The following MRPS28 variants were observed in gnomAD, a reference collection of about 807,000 sequenced individuals.
The protein encoded by MRPS28 is mitochondrial ribosomal protein S28.
MRPS28 carries 7 observed loss-of-function variants against 10.8 expected under a neutral mutation model. The ratio of observed to expected loss-of-function variants is 0.65; its 90% CI spans 0.37 to 1.22. The LOEUF is 1.22. Among genes scored for constraint, MRPS28 ranks in the 50% most tolerant of loss-of-function variants. The pLI, the probability that MRPS28 is intolerant of heterozygous loss-of-function variation, is 0.02. For missense variants in MRPS28, 265 were observed against 232.9 expected, an observed-to-expected ratio of 1.14 and a Z score of -0.90; for synonymous variants, 121 against 93.3, an observed-to-expected ratio of 1.30 and a Z score of -1.71.
chr8:79,923,384 A>G (rs1810144197), intron 2 of MRPS28, among the ~76,000 whole-genome samples: 1 of 152,312 alleles, frequency 6.6e-6, no homozygotes, highest in East Asian at 1.9e-4. Flanking sequence ...ATCACTCCAT[A>G]GAGTCTTATA....
intron 1 of MRPS28, among the ~76,000 whole-genome samples, chr8:80,005,551 C>T (rs374178550): frequency 3.3e-5 from 5 of 152,178 alleles, no homozygotes; most frequent in South Asian, 2.1e-4. Flanking sequence ...TGTGGACCAT[C>T]GATGCTAGGA....
chr8:80,001,475 A>G (rs1808659200), intron 2 of MRPS28, among the ~76,000 whole-genome samples: 1 of 152,248 alleles, frequency 6.6e-6, no homozygotes, highest in Non-Finnish European at 1.5e-5. Context: ...TTTAATAATA[A>G]CAATGCAATG....
chr8:79,987,991 T>TA (rs1451294377), intron 2 of MRPS28, among the ~76,000 whole-genome samples: 1 of 152,162 alleles, frequency 6.6e-6, no homozygotes, highest in Non-Finnish European at 1.5e-5. Context: ...ACTGCGGCTC[T>TA]ATTCACAATA....
At chr8:79,988,179 AC>A (rs1479934943) in intron 2 of MRPS28, among the ~76,000 whole-genome samples, 6 of 149,734 alleles carry the variant, frequency 4.0e-5, no homozygotes, top group African/African-American at 1.5e-4. Flanking sequence ...AGAACAAAAA[AC>A]CAAACACCGC....
Position 80,029,968 on chromosome 8 carries a change from T to C in MRPS28, c.213+68A>G, listed in dbSNP as rs1809609889. The C allele has an allele frequency of 1.2e-5, 19 of 1,564,918 alleles. No individual in the cohort carries two copies. In the South Asian group the frequency reaches 1.5e-4, roughly 12 times the overall value. On this transcript the variant is annotated intron_variant, in intron 1 of 2. Transcript: ENST00000276585. Reference sequence around the variant, plus strand: ...CTTCCTAAGCCAGGCTCCGCCCCTATTCCCGACCCCGCCCACCGCGTCGTT... The same window carrying C: ...CTTCCTAAGCCAGGCTCCGCCCCTACTCCCGACCCCGCCCACCGCGTCGTT...
chr8:79,924,342 TTTAA>T (rs1218367586), intron 2 of MRPS28, among the ~76,000 whole-genome samples: 1 of 152,172 alleles, frequency 6.6e-6, no homozygotes, highest in Non-Finnish European at 1.5e-5. Context: ...TTTCTAAAGG[TTTAA>T]TTAACATCAA....
intron 2 of MRPS28, among the ~76,000 whole-genome samples, chr8:79,946,404 C>T (rs1806920951): frequency 6.6e-6 from 1 of 152,040 alleles, no homozygotes; most frequent in East Asian, 1.9e-4. Flanking sequence ...GTACAAACAA[C>T]CCTCCTAGCC....
At chr8:79,958,879 G>A (rs1213754287) in intron 2 of MRPS28, among the ~76,000 whole-genome samples, 2 of 152,142 alleles carry the variant, frequency 1.3e-5, no homozygotes, top group Non-Finnish European at 2.9e-5. Flanking sequence ...ATATAACTGA[G>A]TTTAGTAAGA....
intron 1 of MRPS28, among the ~76,000 whole-genome samples, chr8:80,025,509 C>G (rs940617769): frequency 3.9e-5 from 6 of 152,076 alleles, no homozygotes; most frequent in Admixed American, 3.9e-4. Context: ...CAAAAACAAA[C>G]AGAAACAACC....
chr8:80,007,592 A>G (rs1337365314), intron 1 of MRPS28, among the ~76,000 whole-genome samples: 1 of 152,214 alleles, frequency 6.6e-6, no homozygotes, highest in African/African-American at 2.4e-5. Context: ...TACAAAATCA[A>G]TGTGCAAAAA....
intron 2 of MRPS28, among the ~76,000 whole-genome samples, chr8:79,935,605 A>T (rs1207527328): frequency 6.6e-6 from 1 of 152,218 alleles, no homozygotes; most frequent in Non-Finnish European, 1.5e-5. Context: ...GAAGACTCCT[A>T]AAGGCATATT....
At chr8:79,962,935 C>T (rs1470257282) in intron 2 of MRPS28, among the ~76,000 whole-genome samples, 1 of 152,060 alleles carries the variant, frequency 6.6e-6, no homozygotes, top group Non-Finnish European at 1.5e-5. Context: ...TAGCCATAAG[C>T]CTCAATTCAC....
At chr8:79,922,305 G>A (rs1377031780) in intron 2 of MRPS28, among the ~76,000 whole-genome samples, 1 of 152,136 alleles carries the variant, frequency 6.6e-6, no homozygotes, top group Non-Finnish European at 1.5e-5. Flanking sequence ...ACACCTTGAA[G>A]TAGAGAGAAC....
At chr8:79,933,732 T>C (rs1806531201) in intron 2 of MRPS28, among the ~76,000 whole-genome samples, 1 of 152,178 alleles carries the variant, frequency 6.6e-6, no homozygotes, top group Non-Finnish European at 1.5e-5. Context: ...CAAGGAATTC[T>C]TGGGAAAACA....
chr8:79,949,537 CTGTTTT>C (rs1807027448), intron 2 of MRPS28, among the ~76,000 whole-genome samples: 1 of 152,116 alleles, frequency 6.6e-6, no homozygotes. Context: ...TTTTAAGGCC[CTGTTTT>C]TGCTTCCAGC....
At chr8:79,923,549 AT>A (rs1445885787) in intron 2 of MRPS28, among the ~76,000 whole-genome samples, 2 of 152,128 alleles carry the variant, frequency 1.3e-5, no homozygotes, top group Non-Finnish European at 2.9e-5. Flanking sequence ...ATTTTTTTTA[AT>A]TGGGGAAAAA....
At chr8:79,938,389 T>C (rs996706541) in intron 2 of MRPS28, among the ~76,000 whole-genome samples, 12 of 151,166 alleles carry the variant, frequency 7.9e-5, no homozygotes, top group Non-Finnish European at 4.4e-5. Flanking sequence ...ACAGTAGAGG[T>C]AGGATTCCAC....
intron 2 of MRPS28, among the ~76,000 whole-genome samples, chr8:79,938,137 G>A (rs982354133): frequency 6.6e-6 from 1 of 151,878 alleles, no homozygotes; most frequent in Non-Finnish European, 1.5e-5. Flanking sequence ...AGGATGCACA[G>A]ATTCCTTCTG....
intron 2 of MRPS28, among the ~76,000 whole-genome samples, chr8:79,947,831 G>C (rs1806964690): frequency 6.6e-6 from 1 of 150,974 alleles, no homozygotes; most frequent in South Asian, 2.1e-4. Flanking sequence ...TAGAGACGGG[G>C]TTTCACCGTG....
Sources: allele counts gnomAD v4.1 joint callset (sites outside exome capture counted in the v4.1 genomes callset), GRCh38; gene constraint gnomAD v4.1.1; transcripts MANE v1.5; gene names NCBI Gene and HGNC (gene_info 2026-07-23, HGNC 2026-07-21).